SYT1: variants seen among roughly 807,000 people sequenced by gnomAD.
The protein encoded by SYT1 is synaptotagmin-1.
A neutral mutation model predicts 44.8 loss-of-function variants in SYT1; 8 were observed. The ratio of observed to expected loss-of-function variants is 0.18; its 90% confidence interval spans 0.10 to 0.32. The LOEUF (loss-of-function observed/expected upper bound fraction) is 0.32. SYT1 is among the 10% of genes least tolerant of loss of function. The probability of loss-of-function intolerance (pLI) is 1.00; values close to 1 mark genes in which losing one functional copy is unlikely to be tolerated. For synonymous variants in SYT1, 154 were observed against 188.8 expected, an observed-to-expected ratio of 0.82 and a Z score of 1.51; for missense variants, 286 against 509.3, an observed-to-expected ratio of 0.56 and a Z score of 4.22.
intron 3 of SYT1, among the ~76,000 whole-genome samples, chr12:79,106,573 T>C (rs1013451611): frequency 6.6e-6 from 1 of 151,766 alleles, no homozygotes; most frequent in African/African-American, 2.4e-5. Flanking sequence ...CCTGTATATA[T>C]CTAATTTACT....
chr12:78,962,016 ATGT>A (rs1384253001), intron 1 of SYT1, among the ~76,000 whole-genome samples: 2 of 152,062 alleles, frequency 1.3e-5, no homozygotes, highest in African/African-American at 4.8e-5. Context: ...GTATCGGATT[ATGT>A]TGTTTGTTGT....
intron 3 of SYT1, among the ~76,000 whole-genome samples, chr12:79,215,888 G>A (rs7979581): frequency 0.71 from 104,068 of 146,708 alleles, 37,275 homozygotes; most frequent in African/African-American, 0.78. Flanking sequence ...AACTATGCAT[G>A]ACCAACTCAC....
At chr12:79,030,924 G>A (rs1872790076) in intron 2 of SYT1, among the ~76,000 whole-genome samples, 1 of 150,922 alleles carries the variant, frequency 6.6e-6, no homozygotes, top group Non-Finnish European at 1.5e-5. Context: ...TCAGAGATAT[G>A]TTATGTCTCC....
chr12:79,360,913 A>G (rs1481733558), intron 9 of SYT1, among the ~76,000 whole-genome samples: 2 of 152,252 alleles, frequency 1.3e-5, no homozygotes, highest in Non-Finnish European at 2.9e-5. Context: ...ACCCAGGCAC[A>G]GTTATCCACA....
chr12:79,321,177 T>C (rs893745035), intron 8 of SYT1, among the ~76,000 whole-genome samples: 8 of 152,310 alleles, frequency 5.3e-5, no homozygotes, highest in African/African-American at 1.9e-4. Flanking sequence ...AAACTGAGAC[T>C]CAGAAAGGCT....
intron 3 of SYT1, among the ~76,000 whole-genome samples, chr12:79,050,610 T>G (rs967542331): frequency 2.0e-5 from 3 of 152,030 alleles, no homozygotes; most frequent in Non-Finnish European, 4.4e-5. Flanking sequence ...CCTAAGCCTC[T>G]TTAATAAAAC....
chr12:79,089,283 C>T (rs1195839137), intron 3 of SYT1, among the ~76,000 whole-genome samples: 3 of 152,026 alleles, frequency 2.0e-5, no homozygotes, highest in African/African-American at 7.2e-5. Context: ...AACTCATTTA[C>T]TAGTAGCTTG....
intron 8 of SYT1, among the ~76,000 whole-genome samples, chr12:79,313,823 T>A (rs1182152198): frequency 2.0e-5 from 3 of 152,026 alleles, no homozygotes; most frequent in African/African-American, 4.8e-5. Context: ...CTAAATGAGA[T>A]AATTAATGTA....
At chr12:79,199,472 T>C (rs970322270) in intron 3 of SYT1, among the ~76,000 whole-genome samples, 1 of 152,286 alleles carries the variant, frequency 6.6e-6, no homozygotes, top group South Asian at 2.1e-4. Flanking sequence ...CCCCATATTG[T>C]GTAGGCTTTA....
chr12:79,007,936 G>T (rs1397131767), intron 2 of SYT1, among the ~76,000 whole-genome samples: 1 of 152,032 alleles, frequency 6.6e-6, no homozygotes, highest in Non-Finnish European at 1.5e-5. Flanking sequence ...GTCTGGCACT[G>T]GTTTTAGGAA....
chr12:79,257,305 T>C (rs1373291404), intron 4 of SYT1, among the ~76,000 whole-genome samples: 2 of 152,218 alleles, frequency 1.3e-5, no homozygotes, highest in African/African-American at 4.8e-5. Flanking sequence ...TGATTAGCAG[T>C]CATGTATTGA....
In SYT1 at chr12:78,876,746, A is replaced by G. The variant is rs1316621118; in HGVS notation, c.-217+11637A>G. Among the ~76,000 whole-genome samples the G allele has an allele frequency of 1.2e-4, 10 of 80,934 alleles. No homozygotes were observed. The East Asian group carries it at 2.3e-3, about 19-fold the overall frequency. The allele number at this position is 80,934 out of a possible 152,430, so 53.1% of individuals were successfully genotyped here. On this transcript the variant is annotated intron_variant, in intron 1 of 10. Transcript: ENST00000261205. ...AATATAATTATATATTATATATTAT[A>G]TATTGTATATTATATATATTATATA... is the stretch of plus-strand genomic sequence containing the variant.
chr12:79,413,714 G>A (rs1389234740), intron 9 of SYT1, among the ~76,000 whole-genome samples: 1 of 152,034 alleles, frequency 6.6e-6, no homozygotes, highest in African/African-American at 2.4e-5. Context: ...TTTCCTCATG[G>A]TCAAAAGCTA....
rs541960545 is a variant in SYT1, at chr12:79,241,363, C to T, written c.166+23678C>T. ...TCGGCTCACTGCAACCTCCACCTTC[C>T]GGATTCACGTGATTCTCCTGCCTCA... On this transcript the variant is annotated intron_variant, in intron 4 of 10. Transcript: ENST00000261205. 2.3e-3 allele frequency among the ~76,000 whole-genome samples: 348 copies of T among 152,098 alleles called. 2 individuals are homozygous for T. The highest frequency in any genetic ancestry group is 3.3e-3 in the African/African-American group (136 of 41,496).
chr12:78,878,120 G>C (rs1326698944), intron 1 of SYT1, among the ~76,000 whole-genome samples: 2 of 151,680 alleles, frequency 1.3e-5, no homozygotes, highest in African/African-American at 4.8e-5. Flanking sequence ...GTTGTCATGG[G>C]GTTGATATAT....
At chr12:79,026,665 T>TA (rs1491465806) in intron 2 of SYT1, among the ~76,000 whole-genome samples, 5 of 67,408 alleles carry the variant, frequency 7.4e-5, no homozygotes, top group African/African-American at 3.1e-4. Context: ...TACATATATA[T>TA]TTTATATATA....
At chr12:79,024,139 C>CA (rs1872372016) in intron 2 of SYT1, among the ~76,000 whole-genome samples, 1 of 151,726 alleles carries the variant, frequency 6.6e-6, no homozygotes, top group Non-Finnish European at 1.5e-5. Flanking sequence ...GGTTCTAACT[C>CA]AGTCTTGAGT....
intron 1 of SYT1, among the ~76,000 whole-genome samples, chr12:78,944,750 C>T (rs142726967): frequency 1.0e-3 from 158 of 152,000 alleles, no homozygotes; most frequent in African/African-American, 3.6e-3. Context: ...TTTAATTATT[C>T]CTTTAAATAC....
At chr12:79,350,107 A>G (rs1211958219) in intron 8 of SYT1, among the ~76,000 whole-genome samples, 5 of 152,114 alleles carry the variant, frequency 3.3e-5, no homozygotes, top group Non-Finnish European at 7.3e-5. Context: ...CTGGCTTACT[A>G]TATAAGCCAC....
Sources: allele counts gnomAD v4.1 joint callset (sites outside exome capture counted in the v4.1 genomes callset), GRCh38; gene constraint gnomAD v4.1.1; transcripts MANE v1.5; gene names NCBI Gene and HGNC (gene_info 2026-07-23, HGNC 2026-07-21).